DIP2B: variants seen among roughly 807,000 people sequenced by gnomAD.
DIP2B encodes the protein DIP2 acetate--CoA ligase B (putative).
A neutral mutation model predicts 198.0 loss-of-function variants in DIP2B; 76 were observed. The ratio of observed to expected loss-of-function variants is 0.38; its 90% CI spans 0.32 to 0.46. The LOEUF is 0.46. DIP2B is among the 20% of genes least tolerant of loss of function. DIP2B has a pLI of 0.99. For synonymous variants in DIP2B, 701 were observed against 739.1 expected, an observed-to-expected ratio of 0.95 and a Z score of 0.84; for missense variants, 1,559 against 1,978.4, an observed-to-expected ratio of 0.79 and a Z score of 4.02.
rs753373142 is a variant in DIP2B at position 50,744,714 on chromosome 12, G to A, written c.4606G>A (p.Val1536Ile). 14 of 1,614,046 alleles carry A rather than the reference G, an allele frequency of 8.7e-6. No homozygotes were observed. The highest frequency in any genetic ancestry group is 1.6e-4 in the Middle Eastern group (1 of 6,084). Reference protein sequence around the residue: ...VLEEHYLIVGVVVVVDPGVIP... With the variant: ...VLEEHYLIVGIVVVVDPGVIP... ...GGAAGAGCATTACCTCATCGTTGGC[G>A]TCGTGGTTGTGGTGGACCCAGGTGT... Residue 1536 changes from valine (V) to isoleucine (I), a missense_variant, in exon 38 of 38, where the codon GTC becomes ATC. Transcript: ENST00000301180.
chr12:50,562,232 A>G (rs1041128658), intron 1 of DIP2B, among the ~76,000 whole-genome samples: 16 of 152,108 alleles, frequency 1.1e-4, no homozygotes, highest in African/African-American at 3.9e-4. Context: ...AGTCTTAGAT[A>G]ATGGTAATAC....
intron 22 of DIP2B, among the ~76,000 whole-genome samples, chr12:50,709,070 G>C (rs1939565470): frequency 6.6e-6 from 1 of 152,220 alleles, no homozygotes; most frequent in Non-Finnish European, 1.5e-5. Flanking sequence ...GTGGGGAGCA[G>C]GCTAGAGTGA....
chr12:50,594,222 A>G (rs1958859800), intron 1 of DIP2B, among the ~76,000 whole-genome samples: 1 of 151,866 alleles, frequency 6.6e-6, no homozygotes, highest in African/African-American at 2.4e-5. Flanking sequence ...GGCATTACAA[A>G]CATGAGCCAC....
At chr12:50,643,501 A>T (rs1938297651) in intron 3 of DIP2B, among the ~76,000 whole-genome samples, 1 of 151,382 alleles carries the variant, frequency 6.6e-6, no homozygotes, top group Non-Finnish European at 1.5e-5. Context: ...GAAGTAGGGG[A>T]GAAAAAGTGA....
At chr12:50,563,575 C>A (rs2139400038) in intron 1 of DIP2B, among the ~76,000 whole-genome samples, 1 of 150,400 alleles carries the variant, frequency 6.6e-6, no homozygotes, top group East Asian at 2.0e-4. Flanking sequence ...GCTCTAGCCT[C>A]CAACTCCTGG....
chr12:50,644,922 T>G (rs755959384), intron 3 of DIP2B, among the ~76,000 whole-genome samples: 1 of 152,222 alleles, frequency 6.6e-6, no homozygotes, highest in Non-Finnish European at 1.5e-5. Context: ...AGAATTTGAT[T>G]TGCTGTTGTC....
intron 13 of DIP2B, among the ~76,000 whole-genome samples, chr12:50,692,158 A>G (rs532868931): frequency 1.3e-4 from 20 of 152,138 alleles, no homozygotes; most frequent in Non-Finnish European, 2.1e-4. Context: ...AATTGTTTCA[A>G]TGTATCATTA....
chr12:50,728,363 C>A (rs1939974796), intron 29 of DIP2B, among the ~76,000 whole-genome samples, 185 bp from the exon 30 acceptor site: 1 of 151,962 alleles, frequency 6.6e-6, no homozygotes, highest in African/African-American at 2.4e-5. Context: ...AAAAAAAATT[C>A]ATTATTAACT....
intron 4 of DIP2B, among the ~76,000 whole-genome samples, chr12:50,669,748 C>T (rs974459454): frequency 6.6e-6 from 1 of 152,088 alleles, no homozygotes; most frequent in African/African-American, 2.4e-5. Flanking sequence ...TTCTCTCTTG[C>T]TCTGGACCTG....
intron 1 of DIP2B, among the ~76,000 whole-genome samples, chr12:50,588,436 C>T (rs1435815593): frequency 6.6e-6 from 1 of 152,158 alleles, no homozygotes; most frequent in Non-Finnish European, 1.5e-5. Flanking sequence ...AGGCACGAGC[C>T]CCCGTGCCCG....
chr12:50,512,907 T>C (rs552650384), intron 1 of DIP2B, among the ~76,000 whole-genome samples: 2 of 152,256 alleles, frequency 1.3e-5, no homozygotes, highest in East Asian at 1.9e-4. Flanking sequence ...CTCGGGAGGC[T>C]GAGGCAGGAG....
intron 1 of DIP2B, among the ~76,000 whole-genome samples, chr12:50,608,714 G>A (rs191759871): frequency 1.1e-3 from 163 of 151,974 alleles, no homozygotes; most frequent in Non-Finnish European, 1.8e-3. Flanking sequence ...CTCTTAATGC[G>A]TGTTCCTAGA....
intron 32 of DIP2B, 43 bp from the exon 33 acceptor site, chr12:50,734,092 T>G (rs763477885): frequency 5.4e-5 from 86 of 1,604,838 alleles, no homozygotes; most frequent in Middle Eastern, 4.9e-4. Flanking sequence ...TGAAATACAG[T>G]TTATCGAAAT....
chr12:50,695,795 C>T lies in DIP2B; in HGVS notation c.1814-53C>T, dbSNP rs1939300444. On this transcript the variant is annotated intron_variant, in intron 15 of 37. Transcript: ENST00000301180. Reference sequence around the variant, plus strand: ...AAAATGTTTTTATTGTGGTGTATTACATATGTCCCAAATTTATTGTGTATG... The same window carrying T: ...AAAATGTTTTTATTGTGGTGTATTATATATGTCCCAAATTTATTGTGTATG... 1.7e-5 allele frequency: 27 copies of T among 1,603,788 alleles called. 1 individual carries two copies. In the South Asian group the frequency reaches 3.0e-4, roughly 18 times the overall value.
rs1313058267 is a variant in DIP2B at position 50,731,353 on chromosome 12, G to A, written c.3642-16G>A. 6.2e-7 allele frequency: 1 copy of A among 1,609,950 alleles called. No individual in the cohort carries two copies. Among genetic ancestry groups the A allele is most frequent in the Non-Finnish European group, 8.5e-7 (1 of 1,177,934 alleles). ...GGATGAATTGATGATTCCAGCTCTT[G>A]TCTCTTTCACTGCAGTGTCTATTCA... On this transcript the variant is annotated splice_polypyrimidine_tract_variant and intron_variant, in intron 30 of 37. Coordinates refer to ENST00000301180, the MANE Select transcript of DIP2B (RefSeq NM_173602.3).
chr12:50,736,938 G>C, intron 34 of DIP2B, 98 bp from the exon 35 acceptor site: 4 of 1,166,692 alleles, frequency 3.4e-6, no homozygotes, highest in African/African-American at 1.5e-5. Context: ...CGCCATGTGT[G>C]CCTCTCTCAC....
intron 12 of DIP2B, among the ~76,000 whole-genome samples, chr12:50,690,188 G>A (rs368772436): frequency 4.0e-5 from 6 of 151,386 alleles, no homozygotes; most frequent in South Asian, 4.2e-4. Context: ...CCAGGTTCAC[G>A]CCATTCTCCT....
intron 1 of DIP2B, among the ~76,000 whole-genome samples, chr12:50,547,019 T>G (rs1282267397): frequency 6.6e-6 from 1 of 152,224 alleles, no homozygotes; most frequent in Non-Finnish European, 1.5e-5. Context: ...CTTACCTCCT[T>G]ATTTTTACTC....
chr12:50,527,576 G>C (rs1202757074), intron 1 of DIP2B, among the ~76,000 whole-genome samples: 1 of 152,194 alleles, frequency 6.6e-6, no homozygotes, highest in African/African-American at 2.4e-5. Context: ...AGGAGTTCAA[G>C]ATAGTGAGAC....
Sources: gnomAD v4.1 joint callset for allele counts (sites outside exome capture counted in the v4.1 genomes callset) on GRCh38, gnomAD v4.1.1 for gene constraint, MANE v1.5 for transcripts, NCBI Gene and HGNC (gene_info 2026-07-23, HGNC 2026-07-21) for gene names.